ATG7: variants seen among roughly 807,000 people sequenced by gnomAD.
The protein encoded by ATG7 is autophagy related 7, also known as ubiquitin-like modifier-activating enzyme ATG7.
ATG7 carries 70 observed loss-of-function variants against 82.4 expected under a neutral mutation model. The ratio of observed to expected loss-of-function variants is 0.85; its 90% CI spans 0.70 to 1.04. The LOEUF is 1.04. Ranked by LOEUF, ATG7 falls within the 50% of genes least tolerant of loss-of-function variation. ATG7 has a pLI of 0.00. For missense variants in ATG7, 792 were observed against 864.3 expected (o/e 0.92, Z 1.05); for synonymous variants, 287 against 313.0 (o/e 0.92, Z 0.88).
At chr3:11,435,854 A>G (rs1391827582) in intron 20 of ATG7, among the ~76,000 whole-genome samples, 1 of 152,250 alleles carries the variant, frequency 6.6e-6, no homozygotes, top group Admixed American at 6.5e-5. Flanking sequence ...TTCAAAGGAC[A>G]TAAGAATACG....
intron 1 of ATG7, among the ~76,000 whole-genome samples, chr3:11,280,192 G>A (rs1026260110): frequency 5.9e-5 from 9 of 151,958 alleles, no homozygotes; most frequent in African/African-American, 1.9e-4. Context: ...GATTACAGGC[G>A]CCTGCCACCA....
At chr3:11,336,630 C>G (rs1458410852) in intron 11 of ATG7, among the ~76,000 whole-genome samples, 1 of 151,958 alleles carries the variant, frequency 6.6e-6, no homozygotes, top group African/African-American at 2.4e-5. Context: ...CCCATAGTTG[C>G]CATGGTAATG....
chr3:11,339,729 C>T (rs1273122119), intron 11 of ATG7, among the ~76,000 whole-genome samples: 2 of 152,142 alleles, frequency 1.3e-5, no homozygotes, highest in Non-Finnish European at 2.9e-5. Flanking sequence ...GAATGTGTCC[C>T]TTGAGATTGT....
At chr3:11,377,446 G>A (rs1304691242) in intron 18 of ATG7, among the ~76,000 whole-genome samples, 1 of 152,072 alleles carries the variant, frequency 6.6e-6, no homozygotes, top group Non-Finnish European at 1.5e-5. Context: ...CACCTGTGGT[G>A]GTGTTGTTGT....
At chr3:11,499,751 A>T (rs1387095404) in intron 20 of ATG7, among the ~76,000 whole-genome samples, 1 of 151,308 alleles carries the variant, frequency 6.6e-6, no homozygotes. Flanking sequence ...CCATCTCAAA[A>T]AAAAAAAAAA....
intron 19 of ATG7, among the ~76,000 whole-genome samples, chr3:11,402,458 C>T (rs1193025428): frequency 6.6e-6 from 1 of 151,978 alleles, no homozygotes; most frequent in African/African-American, 2.4e-5. Flanking sequence ...AAAAGAAATA[C>T]TGGATAAGCT....
Position 11,347,936 on chromosome 3 carries a change from T to G in ATG7, c.1185T>G (p.Pro395=), listed in dbSNP as rs1324963154. 1.2e-6 allele frequency: 2 copies of G among 1,614,218 alleles called. No individual in the cohort carries two copies. The highest frequency in any genetic ancestry group is 2.2e-5 in the South Asian group (2 of 91,086). ...VDNAKISYSN[P]VRQPLYEFED... is the part of the protein sequence containing the mutation. ...ATGCCAAGATCTCCTACTCCAATCC[T>G]GTGAGGCAGCCTCTCTATGAGTTTG... Residue 395 remains proline, a synonymous_variant, in exon 14 of 21, where the codon CCT becomes CCG. Coordinates refer to ENST00000693202, the MANE Select transcript of ATG7 (RefSeq NM_001349232.2).
chr3:11,492,312 T>C (rs1475879503), intron 20 of ATG7, among the ~76,000 whole-genome samples: 5 of 152,238 alleles, frequency 3.3e-5, no homozygotes, highest in Admixed American at 6.5e-5. Flanking sequence ...TGCCTCGCCC[T>C]GCTTCGGCTC....
At chr3:11,316,194 C>T (rs1949385543) in intron 9 of ATG7, among the ~76,000 whole-genome samples, 1 of 152,142 alleles carries the variant, frequency 6.6e-6, no homozygotes. Context: ...GTAGAAGAAT[C>T]TCCCTTGAAC....
chr3:11,458,674 G>A (rs1273548297), intron 20 of ATG7, among the ~76,000 whole-genome samples: 2 of 152,182 alleles, frequency 1.3e-5, no homozygotes, highest in Non-Finnish European at 2.9e-5. Flanking sequence ...GAGAACTGAA[G>A]CAAATGAGCT....
intron 20 of ATG7, among the ~76,000 whole-genome samples, chr3:11,527,951 G>C (rs2092618488): frequency 6.6e-6 from 1 of 152,212 alleles, no homozygotes; most frequent in African/African-American, 2.4e-5. Flanking sequence ...GCAGGAGTGG[G>C]CTGATTTGTG....
chr3:11,439,998 C>A (rs1371265082), intron 20 of ATG7, among the ~76,000 whole-genome samples: 1 of 152,186 alleles, frequency 6.6e-6, no homozygotes, highest in East Asian at 1.9e-4. Context: ...CAGTACACTT[C>A]ATAAGGCTGG....
intron 20 of ATG7, among the ~76,000 whole-genome samples, chr3:11,488,947 T>C (rs1159407047): frequency 1.3e-5 from 2 of 152,192 alleles, no homozygotes; most frequent in African/African-American, 4.8e-5. Context: ...TCCCTCTTTT[T>C]CTATTGATTG....
intron 19 of ATG7, among the ~76,000 whole-genome samples, chr3:11,413,999 G>A (rs563594866): frequency 9.2e-6 from 1 of 108,714 alleles, no homozygotes; most frequent in South Asian, 3.0e-4. Context: ...CTAGGTTATG[G>A]TATTAGGTTT....
chr3:11,373,689 G>A (rs1054554232), intron 18 of ATG7, among the ~76,000 whole-genome samples: 3 of 152,120 alleles, frequency 2.0e-5, no homozygotes, highest in African/African-American at 7.2e-5. Context: ...TGGGAGTTGC[G>A]GCCTGGCCTC....
intron 20 of ATG7, among the ~76,000 whole-genome samples, chr3:11,516,341 ATAAAAT>A (rs1040083574): frequency 6.6e-6 from 1 of 152,146 alleles, no homozygotes; most frequent in Non-Finnish European, 1.5e-5. Flanking sequence ...TATAATAATA[ATAAAAT>A]TAAAAAAAAA....
chr3:11,539,748 A>G (rs2070671679), intron 20 of ATG7, among the ~76,000 whole-genome samples: 1 of 152,224 alleles, frequency 6.6e-6, no homozygotes, highest in South Asian at 2.1e-4. Context: ...TGCGCATACA[A>G]TCAAATATAT....
chr3:11,560,130 C>G (rs1168202074), downstream of ATG7, among the ~76,000 whole-genome samples: 1 of 152,096 alleles, frequency 6.6e-6, no homozygotes, highest in Non-Finnish European at 1.5e-5. Flanking sequence ...CTCTCTGAAG[C>G]CTTTCACTGG....
rs1292536429 is a variant in ATG7 at position 11,521,181 on chromosome 3, C to CTAGGCAGCCATTGGTTGCCA, written c.2080-33618_2080-33599dup. On this transcript the variant is annotated intron_variant, in intron 20 of 20. Transcript: ENST00000693202. ...TGCAGCATTTCAGATCAGTAGAGCC[C>CTAGGCAGCCATTGGTTGCCA]TAGGCAGCCATTGGTTGCCATAGGC... Among the ~76,000 whole-genome samples, 1,099 of 151,646 alleles carry CTAGGCAGCCATTGGTTGCCA rather than the reference C, an allele frequency of 7.2e-3. 17 individuals are homozygous for CTAGGCAGCCATTGGTTGCCA. The highest frequency in any genetic ancestry group is 0.025 in the African/African-American group (1,041 of 40,924).
Sources: allele counts gnomAD v4.1 joint callset (sites outside exome capture counted in the v4.1 genomes callset), GRCh38; gene constraint gnomAD v4.1.1; transcripts MANE v1.5; gene names NCBI Gene and HGNC (gene_info 2026-07-23, HGNC 2026-07-21).